SERPINB7: variants seen among roughly 807,000 people sequenced by gnomAD.
SERPINB7 encodes the protein serpin family B member 7.
SERPINB7 carries 31 observed loss-of-function variants against 37.4 expected under a neutral mutation model. That is an observed-to-expected ratio of 0.83 (90% CI 0.62 to 1.12). The LOEUF (loss-of-function observed/expected upper bound fraction) is 1.12, where lower values mean the gene tolerates loss of function less well. Among genes scored for constraint, SERPINB7 ranks in the 50% most tolerant of loss-of-function variants. The pLI is 0.00. For missense variants in SERPINB7, 521 were observed against 455.3 expected (o/e 1.14, Z -1.31); for synonymous variants, 163 against 166.1 (o/e 0.98, Z 0.14).
intron 1 of SERPINB7, among the ~76,000 whole-genome samples, chr18:63,756,661 T>G (rs2049123696): frequency 6.6e-6 from 1 of 152,110 alleles, no homozygotes; most frequent in Admixed American, 6.5e-5. Flanking sequence ...TTGAGGAGCT[T>G]GAGAAGAAGA....
chr18:63,769,595 TA>T (rs1423720742), intron 1 of SERPINB7, among the ~76,000 whole-genome samples: 3 of 152,144 alleles, frequency 2.0e-5, no homozygotes, highest in Admixed American at 1.3e-4. Context: ...ATCTACTTTT[TA>T]AATAGACAGC....
intron 6 of SERPINB7, among the ~76,000 whole-genome samples, chr18:63,800,316 C>T (rs897116860): frequency 3.3e-5 from 5 of 152,028 alleles, no homozygotes; most frequent in Non-Finnish European, 5.9e-5. Flanking sequence ...CTTGCCTGGA[C>T]CTCCCAAAGT....
upstream of SERPINB7, among the ~76,000 whole-genome samples, chr18:63,774,541 G>C (rs1053441719): frequency 4.7e-4 from 71 of 152,044 alleles, no homozygotes; most frequent in African/African-American, 1.7e-3. Context: ...GGCATGTTCT[G>C]ATGGCAAAGG....
chr18:63,781,369 A>G (rs1252533634), intron 1 of SERPINB7, among the ~76,000 whole-genome samples: 1 of 152,252 alleles, frequency 6.6e-6, no homozygotes, highest in East Asian at 1.9e-4. Flanking sequence ...TCACACAACT[A>G]TTAGCAACAG....
chr18:63,798,644 A>C lies in SERPINB7; in HGVS notation c.495A>C (p.Ser165=). The C allele has an allele frequency of 6.2e-7, 1 of 1,604,628 alleles. No individual in the cohort carries two copies. The highest frequency in any genetic ancestry group is 1.7e-5 in the Admixed American group (1 of 58,774). Residue 165 remains serine, a synonymous_variant, in exon 6 of 8, where the codon TCA becomes TCC. Transcript: ENST00000398019. ...KNVIGEGGIS[S]SAVMVLVNAV... ...TGATTGGTGAAGGTGGCATAAGCTC[A>C]TCTGCTGTAATGGTGCTGGTGAATG...
intron 2 of SERPINB7, among the ~76,000 whole-genome samples, chr18:63,788,622 T>C (rs2049396688): frequency 6.6e-6 from 1 of 152,206 alleles, no homozygotes; most frequent in South Asian, 2.1e-4. Flanking sequence ...TACAGTAACA[T>C]CCTAGGCCTT....
At chr18:63,794,110 A>ATTTTTTTT (rs34450022) in intron 4 of SERPINB7, among the ~76,000 whole-genome samples, 177 of 105,532 alleles carry the variant, frequency 1.7e-3, no homozygotes, top group African/African-American at 4.6e-3. Flanking sequence ...CATCCTGCTA[A>ATTTTTTTT]TTTTTTTTTT....
chr18:63,792,300 T>C (rs1195670079), intron 2 of SERPINB7, 93 bp from the exon 3 acceptor site: 1 of 918,640 alleles, frequency 1.1e-6, no homozygotes, highest in Non-Finnish European at 1.7e-6. Flanking sequence ...GACACATTTA[T>C]TGGGAAAGAA....
chr18:63,767,016 C>T (rs929495904), intron 1 of SERPINB7, among the ~76,000 whole-genome samples: 5 of 152,146 alleles, frequency 3.3e-5, no homozygotes, highest in African/African-American at 1.2e-4. Context: ...ATCTCCACTG[C>T]TACATCTCTG....
At chr18:63,777,723 A>G (rs774439668) in intron 1 of SERPINB7, 3 of 152,452 alleles carry the variant, frequency 2.0e-5, no homozygotes, top group African/African-American at 7.2e-5. Flanking sequence ...TAAAAAAAAA[A>G]GTAGGGAGTG....
At chr18:63,770,873 G>GCACACACACA (rs10634962), upstream of SERPINB7, among the ~76,000 whole-genome samples, 2,387 of 148,890 alleles carry the variant, frequency 0.016, 27 homozygotes, top group Middle Eastern at 0.021. Context: ...GTCTGCACAT[G>GCACACACACA]CACACACACA....
chr18:63,772,917 A>T (rs1233123014), upstream of SERPINB7, among the ~76,000 whole-genome samples: 2 of 152,172 alleles, frequency 1.3e-5, no homozygotes, highest in Middle Eastern at 3.2e-3. Context: ...GCATAAGGAC[A>T]ATATTATATC....
chr18:63,779,358 A>T (rs553039877), intron 1 of SERPINB7, among the ~76,000 whole-genome samples: 1 of 152,252 alleles, frequency 6.6e-6, no homozygotes, highest in Admixed American at 6.5e-5. Flanking sequence ...ATAATTGTTT[A>T]TTTGCCAATA....
At chr18:63,778,788 C>T (rs781779505) in intron 1 of SERPINB7, among the ~76,000 whole-genome samples, 15 of 151,822 alleles carry the variant, frequency 9.9e-5, no homozygotes, top group Non-Finnish European at 2.1e-4. Flanking sequence ...TGAAATAGAC[C>T]ATAAGGAATC....
chr18:63,788,724 T>C (rs747836428), intron 2 of SERPINB7, among the ~76,000 whole-genome samples: 6 of 152,228 alleles, frequency 3.9e-5, no homozygotes, highest in Non-Finnish European at 8.8e-5. Context: ...TTTACCAGTT[T>C]TCATCTTTCA....
At chr18:63,793,423 C>A (rs191833641) in intron 4 of SERPINB7, 146 bp downstream of exon 4, 36 of 448,456 alleles carry the variant, frequency 8.0e-5, no homozygotes, top group African/African-American at 6.6e-4. Context: ...TTGAATATAT[C>A]ATCACCATTT....
chr18:63,801,144 T>A, intron 7 of SERPINB7, 132 bp downstream of exon 7: 3 of 866,002 alleles, frequency 3.5e-6, no homozygotes, highest in Admixed American at 5.2e-5. Context: ...TTAATTTATT[T>A]GACAAATATT....
chr18:63,784,852 A>G (rs578089653), intron 2 of SERPINB7, among the ~76,000 whole-genome samples: 2 of 152,364 alleles, frequency 1.3e-5, no homozygotes, highest in South Asian at 4.1e-4. Context: ...CAGAAGACAC[A>G]CGGCTCTTAC....
chr18:63,769,304 G>T (rs1015726899), intron 1 of SERPINB7, among the ~76,000 whole-genome samples: 1 of 151,524 alleles, frequency 6.6e-6, no homozygotes, highest in African/African-American at 2.4e-5. Context: ...TTTTATTATT[G>T]TATTTTTTAT....
Sources: allele counts gnomAD v4.1 joint callset (sites outside exome capture counted in the v4.1 genomes callset), GRCh38; gene constraint gnomAD v4.1.1; transcripts MANE v1.5; gene names NCBI Gene and HGNC (gene_info 2026-07-23, HGNC 2026-07-21).